Variants in PRKACB observed in about 807,000 individuals in gnomAD.
The protein encoded by PRKACB is cAMP-dependent protein kinase catalytic subunit beta.
In PRKACB, 16 loss-of-function variants were observed where a neutral mutation model predicts 51.4. The ratio of observed to expected loss-of-function variants is 0.31; its 90% CI spans 0.21 to 0.47. The LOEUF (loss-of-function observed/expected upper bound fraction) is 0.47. Ranked by LOEUF, PRKACB falls within the 20% of genes least tolerant of loss-of-function variation. PRKACB has a pLI of 1.00. For synonymous variants in PRKACB, 147 were observed against 154.4 expected (o/e 0.95, Z 0.35); for missense variants, 309 against 464.5 (o/e 0.67, Z 3.08).
chr1:84,224,285 T>G (rs971260751), intron 9 of PRKACB, among the ~76,000 whole-genome samples: 1 of 152,304 alleles, frequency 6.6e-6, no homozygotes, highest in African/African-American at 2.4e-5. Context: ...AAGGGCCAAT[T>G]CTTAGGCCTC....
intron 1 of PRKACB, among the ~76,000 whole-genome samples, chr1:84,134,267 AG>A (rs527891264): frequency 6.6e-6 from 1 of 152,264 alleles, no homozygotes; most frequent in South Asian, 2.1e-4. Flanking sequence ...GTTTTGGAAA[AG>A]GCAACATTCA....
intron 1 of PRKACB, chr1:84,164,531 A>G (rs1656776770): frequency 2.0e-6 from 3 of 1,467,148 alleles, no homozygotes; most frequent in Non-Finnish European, 2.8e-6. Context: ...ATGTGGCTCT[A>G]AAATAAAAAG....
rs111583603 is a variant in PRKACB at position 84,155,975 on chromosome 1, T to C, written c.187+11427T>C. Among the ~76,000 whole-genome samples the C allele has an allele frequency of 1.9e-3, 291 of 152,198 alleles. 3 individuals carry two copies. The highest frequency in any genetic ancestry group is 6.7e-3 in the African/African-American group (278 of 41,536). ...GACTAATTTGCTCTCCAAAAGTTAG[T>C]TGAAGAAAGAGATGGAGATTTTTAT... On this transcript the variant is annotated intron_variant, in intron 1 of 9. Transcript: ENST00000370685.
chr1:84,148,235 G>A (rs1654379823), intron 1 of PRKACB, among the ~76,000 whole-genome samples: 1 of 151,928 alleles, frequency 6.6e-6, no homozygotes, highest in African/African-American at 2.4e-5. Flanking sequence ...CATCCTCTCA[G>A]GTATCATCTC....
intron 1 of PRKACB, chr1:84,178,824 G>A (rs1662220220): frequency 6.3e-6 from 1 of 158,472 alleles, no homozygotes; most frequent in Admixed American, 6.5e-5. Context: ...TGTATCTAAA[G>A]GCTCCGTTAA....
At chr1:84,179,952 C>A (rs373899758) in intron 2 of PRKACB, among the ~76,000 whole-genome samples, 137 of 149,126 alleles carry the variant, frequency 9.2e-4, no homozygotes, top group African/African-American at 3.2e-3. Context: ...CCTAGCCCCC[C>A]ACCCCGCGAC....
chr1:84,159,468 G>A (rs1423598644), intron 1 of PRKACB, among the ~76,000 whole-genome samples: 1 of 151,976 alleles, frequency 6.6e-6, no homozygotes, highest in Non-Finnish European at 1.5e-5. Flanking sequence ...ATCCTATGAT[G>A]TTGCTAAACT....
At chr1:84,151,143 C>G (rs1654814927) in intron 1 of PRKACB, among the ~76,000 whole-genome samples, 1 of 152,106 alleles carries the variant, frequency 6.6e-6, no homozygotes, top group East Asian at 1.9e-4. Context: ...AGGTCCAGTT[C>G]CAGACCACCA....
chr1:84,231,880 T>C (rs1231670121), intron 9 of PRKACB, among the ~76,000 whole-genome samples: 2 of 151,850 alleles, frequency 1.3e-5, no homozygotes, highest in Non-Finnish European at 2.9e-5. Context: ...AGCTCCTGGA[T>C]TCATTAATTT....
In PRKACB at chr1:84,222,586, C is replaced by T. The variant is rs569263488; in HGVS notation, c.1071+8269C>T. The stretch of plus-strand genomic sequence containing the variant: ...TCCTTTCTCTTTCTCATTTATGTGT[C>T]TGCCCTACCAGTGACTTTTATACTT... On this transcript the variant is annotated intron_variant, in intron 9 of 9. Coordinates refer to ENST00000370685, the MANE Select transcript of PRKACB (RefSeq NM_182948.4). 5.3e-5 allele frequency among the ~76,000 whole-genome samples: 8 copies of T among 152,138 alleles called. No homozygotes were observed. In the East Asian group the frequency reaches 1.5e-3, roughly 29 times the overall value.
At chr1:84,084,001 G>T (rs1299111161) in intron 1 of PRKACB, among the ~76,000 whole-genome samples, 1 of 152,148 alleles carries the variant, frequency 6.6e-6, no homozygotes, top group Admixed American at 6.5e-5. Flanking sequence ...CCAGAAGGGG[G>T]AAGATAGACA....
chr1:84,108,628 A>G (rs1394530949), intron 1 of PRKACB, among the ~76,000 whole-genome samples: 1 of 152,038 alleles, frequency 6.6e-6, no homozygotes, highest in Non-Finnish European at 1.5e-5. Context: ...TAAGGAGTGT[A>G]CTTTTATTAA....
chr1:84,135,501 C>G (rs1327652469), intron 1 of PRKACB, among the ~76,000 whole-genome samples: 2 of 152,060 alleles, frequency 1.3e-5, no homozygotes, highest in African/African-American at 4.8e-5. Flanking sequence ...CTTATAGGAG[C>G]ATTTACCAAG....
At chr1:84,101,441 T>C (rs1477816659) in intron 1 of PRKACB, among the ~76,000 whole-genome samples, 2 of 152,194 alleles carry the variant, frequency 1.3e-5, no homozygotes, top group African/African-American at 4.8e-5. Context: ...AGTTGACACA[T>C]AAAAATGTCC....
intron 1 of PRKACB, chr1:84,085,736 G>A (rs1647921548): frequency 1.2e-5 from 3 of 252,964 alleles, no homozygotes; most frequent in Non-Finnish European, 2.3e-5. Context: ...TTGCGCTGCA[G>A]GGAAATGTCT....
intron 1 of PRKACB, among the ~76,000 whole-genome samples, chr1:84,096,446 A>G (rs1234490080): frequency 6.6e-6 from 1 of 152,132 alleles, no homozygotes; most frequent in Non-Finnish European, 1.5e-5. Context: ...AAGTCTCTGA[A>G]TTCCATTTTT....
chr1:84,160,258 T>C (rs759121209), intron 1 of PRKACB, among the ~76,000 whole-genome samples: 13 of 152,024 alleles, frequency 8.6e-5, no homozygotes, highest in Non-Finnish European at 1.8e-4. Flanking sequence ...TTACATTTTC[T>C]ATTTCTTTTT....
At chr1:84,110,779 C>T (rs2642185) in intron 1 of PRKACB, among the ~76,000 whole-genome samples, 27,332 of 151,766 alleles carry the variant, frequency 0.18, 2,744 homozygotes, top group South Asian at 0.25. Flanking sequence ...GTAATTTTTG[C>T]TGGATATGAA....
chr1:84,206,673 C>A (rs1219246307), intron 8 of PRKACB, among the ~76,000 whole-genome samples: 1 of 152,174 alleles, frequency 6.6e-6, no homozygotes, highest in Non-Finnish European at 1.5e-5. Flanking sequence ...CACCCTCTGC[C>A]TAGCACATGC....
Sources: allele counts gnomAD v4.1 joint callset (sites outside exome capture counted in the v4.1 genomes callset), GRCh38; gene constraint gnomAD v4.1.1; transcripts MANE v1.5; gene names NCBI Gene and HGNC (gene_info 2026-07-23, HGNC 2026-07-21).